Variants in SSRP1 observed in about 807,000 individuals in gnomAD.
SSRP1 encodes the protein structure specific recognition protein 1, also known as FACT complex subunit SSRP1.
SSRP1 carries 21 observed loss-of-function variants against 84.4 expected under a neutral mutation model. The observed-to-expected ratio is 0.25, with a 90% CI of 0.18 to 0.36. SSRP1 has a LOEUF of 0.36. Among genes scored for constraint, SSRP1 ranks in the 10% least tolerant of loss-of-function variants. The pLI is 1.00. For missense variants in SSRP1, 519 were observed against 900.8 expected, an observed-to-expected ratio of 0.58 and a Z score of 5.43; for synonymous variants, 319 against 318.3, an observed-to-expected ratio of 1.00 and a Z score of -0.02.
Position 57,331,814 on chromosome 11 carries a change from G to A in SSRP1, c.1077C>T (p.Phe359=). 1 of 1,614,234 alleles carries A rather than the reference G, an allele frequency of 6.2e-7. No homozygotes were observed. Among genetic ancestry groups the A allele is most frequent in the Non-Finnish European group, 8.5e-7 (1 of 1,180,042 alleles). ...SGLLYPLERG[F]IYVHKPPVHI... ...GCACAGGTGGCTTGTGGACGTAGAT[G>A]AAGCCCCGCTCCAGCGGGTAGAGCA... is the stretch of plus-strand genomic sequence containing the variant. The change falls in exon 9 of 17, where the codon TTC becomes TTT. Residue 359 remains phenylalanine, a synonymous_variant. Coordinates refer to ENST00000278412, the MANE Select transcript of SSRP1 (RefSeq NM_003146.3).
intron 14 of SSRP1, 98 bp downstream of exon 14, chr11:57,327,614 C>T: frequency 1.2e-6 from 2 of 1,601,340 alleles, no homozygotes; most frequent in South Asian, 2.2e-5. Context: ...CCACCAATGG[C>T]TCATACTGCT....
At position 57,330,620 on chromosome 11, in the gene SSRP1, C is replaced by A. The variant is rs998096180; in HGVS notation, c.1297-191G>T. On this transcript the variant is annotated intron_variant, in intron 10 of 16. Coordinates refer to ENST00000278412, the MANE Select transcript of SSRP1 (RefSeq NM_003146.3). This position sits in a 1 kb window ranked among gnomAD's most constrained non-coding sequence, Gnocchi z 4.0. ...TTCCTGCCAACTGGGTTAGTCCAAG[C>A]CCCAAGCCCCTCCCTCTCCCAGCCC... 2 of 1,436,974 alleles carry A rather than the reference C, an allele frequency of 1.4e-6. No homozygotes were observed. The highest frequency in any genetic ancestry group is 2.5e-5 in the East Asian group (1 of 40,286). 89.0% of individuals were successfully genotyped at this position (1,436,974 alleles called of 1,614,324 possible).
chr11:57,331,979 T>C, intron 8 of SSRP1, 90 bp from the exon 9 acceptor site: 1 of 1,495,820 alleles, frequency 6.7e-7, no homozygotes, highest in South Asian at 1.2e-5. Context: ...GCTCATGTCC[T>C]CGACTAAGTA....
chr11:57,329,987 C>A (rs1489441937), intron 12 of SSRP1, 106 bp downstream of exon 12: 1 of 1,394,524 alleles, frequency 7.2e-7, no homozygotes, highest in Non-Finnish European at 1.0e-6. Context: ...CTCTCCCATT[C>A]TGGGTCAGTA....
chr11:57,333,466 C>G lies in SSRP1; in HGVS notation c.315G>C (p.Lys105Asn). 6.2e-7 allele frequency: 1 copy of G among 1,614,068 alleles called. No individual in the cohort carries two copies. Among genetic ancestry groups the G allele is most frequent in the East Asian group, 2.2e-5 (1 of 44,888 alleles). ...LELMEKDLCV[K>N]GWNWGTVKFG... ...ATTTCACTGTCCCCCAGTTCCAGCC[C>G]TTCACACAAAGGTCCTTCTCCATTA... The change falls in exon 4 of 17, where the codon AAG becomes AAC. Residue 105 changes from lysine to asparagine, a missense_variant. Around this residue, in one of 7 missense-constraint regions of SSRP1, gnomAD observed 159 missense variants for 359.0 expected, o/e 0.44. Transcript: ENST00000278412.
In SSRP1 at chr11:57,327,857, G is replaced by A; in HGVS notation, c.1637C>T (p.Ala546Val). Residue 546 changes from alanine (A) to valine (V), a missense_variant, in exon 14 of 17, where the codon GCC (alanine) becomes GTC (valine). This residue lies in a region of SSRP1 where 197 missense variants were observed against 265.0 expected (regional missense o/e 0.74). Coordinates refer to ENST00000278412, the MANE Select transcript of SSRP1 (RefSeq NM_003146.3). ...GTATGCAGACATGGGCCTCTTGGGG[G>A]CATTGGGGTCTTTGCCCTTCTTCAC... Reference protein sequence around the residue: ...VEVKKGKDPNAPKRPMSAYML... With the variant: ...VEVKKGKDPNVPKRPMSAYML... The A allele has an allele frequency of 6.2e-7, 1 of 1,614,030 alleles. No individual in the cohort carries two copies. Among genetic ancestry groups the A allele is most frequent in the Non-Finnish European group, 8.5e-7 (1 of 1,180,008 alleles).
rs1330109667 is a variant in SSRP1 at position 57,334,460 on chromosome 11, C to T, written c.240+3G>A. 6.2e-7 allele frequency: 1 copy of T among 1,613,560 alleles called. No individual in the cohort carries two copies. Among genetic ancestry groups the T allele is most frequent in the East Asian group, 2.2e-5 (1 of 44,896 alleles). On this transcript the variant is annotated splice_donor_region_variant and intron_variant, in intron 3 of 16. Coordinates refer to ENST00000278412, the MANE Select transcript of SSRP1 (RefSeq NM_003146.3). ...GGAGGCTTATAGCCATGGGACATCT[C>T]ACCGATTCTCGGAAGCCATCATACT...
At position 57,333,485 on chromosome 11, in the gene SSRP1, T is replaced by G. The variant is rs1856138494; in HGVS notation, c.296A>C (p.Glu99Ala). ...FKTHYRLELMEKDLCVKGWNW... is the reference protein window; with the variant it reads ...FKTHYRLELMAKDLCVKGWNW... ...CCAGCCCTTCACACAAAGGTCCTTC[T>G]CCATTAGCTCAAGGCGATAGTGAGT... is the stretch of plus-strand genomic sequence containing the variant. Residue 99 changes from glutamate (E) to alanine (A), a missense_variant, in exon 4 of 17, where the codon GAG becomes GCG. Glu to Ala is a moderately radical substitution (Grantham distance 107, BLOSUM62 -1). Around this residue, in one of 7 missense-constraint regions of SSRP1, gnomAD observed 88 missense variants for 122.0 expected, o/e 0.72. Transcript: ENST00000278412. The G allele has an allele frequency of 1.9e-6, 3 of 1,613,900 alleles. No individual in the cohort carries two copies. The highest frequency in any genetic ancestry group is 3.3e-4 in the Middle Eastern group (2 of 6,084).
At position 57,326,460 on chromosome 11, in the gene SSRP1, G is replaced by T; in HGVS notation, c.2077C>A (p.Leu693Ile). 2 of 1,614,142 alleles carry T rather than the reference G, an allele frequency of 1.2e-6. No homozygotes were observed. ...TCTGAGCTGGGGGGAGTACTGGCTAGTTCTTCTTCTTCAGAGTCCTGAAAA... is the reference window on the plus strand; with the variant it reads ...TCTGAGCTGGGGGGAGTACTGGCTATTTCTTCTTCTTCAGAGTCCTGAAAA... The part of the protein sequence containing the change: ...RRSEDSEEEE[L>I]ASTPPSSEDS... Residue 693 changes from leucine (L) to isoleucine (I), a missense_variant, in exon 17 of 17, where the codon CTA (leucine) becomes ATA (isoleucine). Physicochemically the swap from Leu to Ile is conservative, Grantham distance 5 (BLOSUM62 2). Around this residue, in one of 7 missense-constraint regions of SSRP1, gnomAD observed 197 missense variants for 265.0 expected, o/e 0.74. Coordinates refer to ENST00000278412, the MANE Select transcript of SSRP1 (RefSeq NM_003146.3).
chr11:57,331,588 G>GC, intron 9 of SSRP1, 80 bp downstream of exon 9: 3 of 1,158,352 alleles, frequency 2.6e-6, no homozygotes, highest in South Asian at 1.3e-5. Context: ...GTTGGAGAGT[G>GC]CCCCAGGCCA....
Position 57,330,614 on chromosome 11 carries a change from T to TCCAAGCC in SSRP1, c.1297-192_1297-186dup, listed in dbSNP as rs1487807766. 8 of 1,436,762 alleles carry TCCAAGCC rather than the reference T, an allele frequency of 5.6e-6. No individual in the cohort carries two copies. The highest frequency in any genetic ancestry group is 1.4e-5 in the African/African-American group (1 of 69,754). 89.0% of individuals were successfully genotyped at this position (1,436,762 alleles called of 1,614,324 possible). On this transcript the variant is annotated intron_variant, in intron 10 of 16. Coordinates refer to ENST00000278412, the MANE Select transcript of SSRP1 (RefSeq NM_003146.3). The surrounding 1 kb of genome is among the most constrained non-coding windows in gnomAD (Gnocchi z 4.0). ...AAGTACTTCCTGCCAACTGGGTTAG[T>TCCAAGCC]CCAAGCCCCAAGCCCCTCCCTCTCC...
rs370620322 is a variant in SSRP1, at chr11:57,335,808, G to T, written c.-198C>A. On this transcript the variant is annotated 5_prime_UTR_variant, in exon 1 of 17. Coordinates refer to ENST00000278412, the MANE Select transcript of SSRP1 (RefSeq NM_003146.3). The surrounding 1 kb of genome is among the most constrained non-coding windows in gnomAD (Gnocchi z 4.6). ...GGGGACGCGGGGGGGGCGCGGGGAG[G>T]GGGATGGGGGGACACCGGGGAAGCT... 2 of 152,204 alleles carry T rather than the reference G, an allele frequency of 1.3e-5. No homozygotes were observed. Among genetic ancestry groups the T allele is most frequent in the African/African-American group, 4.8e-5 (2 of 41,254 alleles). 9.4% of individuals were successfully genotyped at this position (152,204 alleles called of 1,614,324 possible). A position where few individuals can be genotyped will look rare whatever the true frequency, so the allele number is the denominator to read the frequency against.
Position 57,327,357 on chromosome 11 carries a change from C to T in SSRP1, c.1871+69G>A. On this transcript the variant is annotated intron_variant, in intron 15 of 16. Coordinates refer to ENST00000278412, the MANE Select transcript of SSRP1 (RefSeq NM_003146.3). ...CTGTCTTTAACTTTCCAATGCTCAA[C>T]TTCGGCCTGTTAAAAAAAAAAAAGT... The T allele has an allele frequency of 2.7e-6, 4 of 1,488,484 alleles. No homozygotes were observed. In the South Asian group the frequency reaches 3.4e-5, roughly 13 times the overall value. 92.2% of individuals were successfully genotyped at this position (1,488,484 alleles called of 1,614,324 possible).
At chr11:57,329,848 C>A in intron 12 of SSRP1, 1 of 587,016 alleles carries the variant, frequency 1.7e-6, no homozygotes, top group Admixed American at 3.1e-5. Flanking sequence ...GAACCAGCCC[C>A]AACTGGCACA....
Position 57,335,522 on chromosome 11 carries a change from A to C in SSRP1, c.-120+208T>G. On this transcript the variant is annotated intron_variant, in intron 1 of 16. Coordinates refer to ENST00000278412, the MANE Select transcript of SSRP1 (RefSeq NM_003146.3). The surrounding 1 kb of genome is among the most constrained non-coding windows in gnomAD (Gnocchi z 4.6). ...CCCAGGGTCTGCCAGGAGCCCGCAC[A>C]TCGCACGCGACCCAATCCAGCTCAG... The C allele has an allele frequency of 3.4e-6, 1 of 295,170 alleles. No homozygotes were observed. The highest frequency in any genetic ancestry group is 6.8e-6 in the Non-Finnish European group (1 of 147,948). The allele number at this position is 295,170 out of a possible 1,614,324, so 18.3% of individuals were successfully genotyped here.
At chr11:57,326,655 C>A in intron 16 of SSRP1, 48 bp downstream of exon 16, 2 of 1,598,298 alleles carry the variant, frequency 1.3e-6, no homozygotes, top group Non-Finnish European at 1.7e-6. Context: ...CACAGACACA[C>A]ATGCCCCTCA....
At chr11:57,334,957 TGA>T (rs755791079) in intron 2 of SSRP1, 109 bp downstream of exon 2, 9 of 1,282,746 alleles carry the variant, frequency 7.0e-6, no homozygotes, top group Non-Finnish European at 1.0e-5. Flanking sequence ...CACATTATAC[TGA>T]GTCTTCTTTT....
At chr11:57,334,050 G>A (rs1428632736) in intron 3 of SSRP1, among the ~76,000 whole-genome samples, 1 of 152,190 alleles carries the variant, frequency 6.6e-6, no homozygotes. Flanking sequence ...ATACTCAGGA[G>A]GCTGAGATGG....
rs780972757 is a variant in SSRP1 at position 57,326,742 on chromosome 11, C to G, written c.2019G>C (p.Ser673=). The change falls in exon 16 of 17, where the codon TCG becomes TCC. Residue 673 remains serine (S), a synonymous_variant. Coordinates refer to ENST00000278412, the MANE Select transcript of SSRP1 (RefSeq NM_003146.3). Reference sequence around the variant, plus strand: ...TCTTCTTTTTGCTCTTGTTCTCTCCCGAAGAGCTCTCATCACTAGACACAA... The same window carrying G: ...TCTTCTTTTTGCTCTTGTTCTCTCCGGAAGAGCTCTCATCACTAGACACAA... ...KEFVSSDESS[S]GENKSKKKRR... 4 of 1,614,188 alleles carry G rather than the reference C, an allele frequency of 2.5e-6. No individual in the cohort carries two copies. The highest frequency in any genetic ancestry group is 1.7e-6 in the Non-Finnish European group (2 of 1,180,028).
Sources: allele counts gnomAD v4.1 joint callset (sites outside exome capture counted in the v4.1 genomes callset), GRCh38; gene constraint gnomAD v4.1.1; regional missense constraint gnomAD v4.1.1; non-coding constraint Gnocchi (gnomAD v3.1); transcripts MANE v1.5; gene names NCBI Gene and HGNC (gene_info 2026-07-23, HGNC 2026-07-21).